MTMR8: variants seen among roughly 807,000 people sequenced by gnomAD.
MTMR8 encodes myotubularin related protein 8.
Under a neutral mutation model 39.3 loss-of-function variants are expected in MTMR8, and 65 were observed. The ratio of observed to expected loss-of-function variants is 1.65; its 90% CI spans 1.35 to 2.03. MTMR8 has a LOEUF of 2.03. Among genes scored for constraint, MTMR8 ranks in the 30% most tolerant of loss-of-function variants. The probability of loss-of-function intolerance (pLI) is 0.00; values close to 1 mark genes in which losing one functional copy is unlikely to be tolerated. For synonymous variants in MTMR8, 245 were observed against 185.2 expected, an observed-to-expected ratio of 1.32 and a Z score of -2.62; for missense variants, 777 against 538.9, an observed-to-expected ratio of 1.44 and a Z score of -4.37.
chrX:64,395,328 T>A lies in MTMR8; in HGVS notation c.24+12A>T, dbSNP rs763819961. 1.7e-6 allele frequency: 2 copies of A among 1,210,235 alleles called. No homozygotes were observed. The highest frequency in any genetic ancestry group is 1.8e-5 in the South Asian group (1 of 56,889). On this transcript the variant is annotated intron_variant, in intron 1 of 13. Coordinates refer to ENST00000374852, the MANE Select transcript of MTMR8 (RefSeq NM_017677.4). ...CTCGCGGCTGTCAGCCTCGCTTAAC[T>A]CTTCTCCTTACCTTGGGTACCGTAA...
Position 64,268,330 on chromosome X carries a change from TC to T in MTMR8, c.*206del. ...ATCCCATTTTAGAACAATAACATATTCTTTCTCTTGCCTACACTCTGTACTG... is the reference window on the plus strand; with the variant it reads ...ATCCCATTTTAGAACAATAACATATTTTTCTCTTGCCTACACTCTGTACTG... On this transcript the variant is annotated 3_prime_UTR_variant, in exon 14 of 14. Coordinates refer to ENST00000374852, the MANE Select transcript of MTMR8 (RefSeq NM_017677.4). 1 of 399,694 alleles carries T rather than the reference TC, an allele frequency of 2.5e-6. No homozygotes were observed. The highest frequency in any genetic ancestry group is 4.0e-5 in the East Asian group (1 of 24,933). 32.9% of individuals were successfully genotyped at this position (399,694 alleles called of 1,213,427 possible).
At chrX:64,336,035 T>G in intron 10 of MTMR8, 44 bp downstream of exon 10, 1 of 1,052,925 alleles carries the variant, frequency 9.5e-7, no homozygotes. Flanking sequence ...TTCACCCTAA[T>G]GAACTATCCT....
At chrX:64,331,503 T>G in intron 11 of MTMR8, 54 bp downstream of exon 11, 6 of 1,107,225 alleles carry the variant, frequency 5.4e-6, no homozygotes, top group Non-Finnish European at 7.4e-6. Flanking sequence ...GGTACATTCT[T>G]TTTGCACTGA....
chrX:64,373,051 C>T (rs373749205), intron 1 of MTMR8, among the ~76,000 whole-genome samples: 1 of 111,663 alleles, frequency 9.0e-6, no homozygotes, highest in Non-Finnish European at 1.9e-5. Context: ...CTATACTCTA[C>T]ATGTTATCTC....
chrX:64,281,951 G>A (rs1340038441), intron 12 of MTMR8, among the ~76,000 whole-genome samples: 2 of 109,687 alleles, frequency 1.8e-5, no homozygotes, highest in Admixed American at 9.7e-5. Context: ...ATATTTATGC[G>A]GCCAACAAAC....
chrX:64,271,009 T>A lies in MTMR8; in HGVS notation c.1546A>T (p.Ser516Cys), dbSNP rs186270075. The A allele has an allele frequency of 1.7e-6, 2 of 1,207,790 alleles. No individual in the cohort carries two copies. Among genetic ancestry groups the A allele is most frequent in the Non-Finnish European group, 2.2e-6 (2 of 894,233 alleles). ...GLQPKQSMLE[S>C]LLEIKKQRAM... ...CTCTGTTTCTTAATTTCCAGGAGGC[T>A]CTCTAGCATACTCTGCTTGGGCTGC... is the stretch of plus-strand genomic sequence containing the variant. The change falls in exon 13 of 14, where the codon AGC becomes TGC. Residue 516 changes from serine to cysteine, a missense_variant. Transcript: ENST00000374852.
intron 12 of MTMR8, among the ~76,000 whole-genome samples, chrX:64,275,280 C>A (rs753311385): frequency 9.0e-6 from 1 of 110,564 alleles, no homozygotes; most frequent in African/African-American, 3.3e-5. Context: ...GATCTAAAAT[C>A]AAAAACCTAA....
intron 1 of MTMR8, among the ~76,000 whole-genome samples, chrX:64,385,644 G>A (rs1210506769): frequency 1.8e-5 from 2 of 111,423 alleles, no homozygotes; most frequent in African/African-American, 6.5e-5. Flanking sequence ...GGTGAAGGGA[G>A]AGCAGGCATC....
intron 7 of MTMR8, among the ~76,000 whole-genome samples, chrX:64,344,691 C>T (rs1314359261): frequency 9.0e-6 from 1 of 111,571 alleles, no homozygotes; most frequent in African/African-American, 3.3e-5. Context: ...AAGATAATTT[C>T]TTACCTTAAG....
At chrX:64,287,605 T>G in intron 12 of MTMR8, among the ~76,000 whole-genome samples, 1 of 110,837 alleles carries the variant, frequency 9.0e-6, no homozygotes, top group Admixed American at 9.7e-5. Flanking sequence ...ATGGTACTGC[T>G]ACCAAAACAG....
At chrX:64,320,066 C>T (rs1486662811) in intron 12 of MTMR8, among the ~76,000 whole-genome samples, 1 of 111,014 alleles carries the variant, frequency 9.0e-6, no homozygotes, top group Non-Finnish European at 1.9e-5. Flanking sequence ...TGTTTGTATC[C>T]TCTTTTATTT....
chrX:64,339,027 G>C (rs758107135), intron 8 of MTMR8, among the ~76,000 whole-genome samples: 1 of 110,705 alleles, frequency 9.0e-6, no homozygotes, highest in Non-Finnish European at 1.9e-5. Flanking sequence ...GAGGTAGTTC[G>C]GGAACATCTA....
intron 12 of MTMR8, chrX:64,304,995 CGTATGTAT>C (rs1239330030): frequency 9.7e-6 from 1 of 103,187 alleles, no homozygotes; most frequent in Non-Finnish European, 1.7e-5. Context: ...TACATATATA[CGTATGTAT>C]GTATGTATAT....
chrX:64,305,090 CA>C, intron 12 of MTMR8: 1 of 213,077 alleles, frequency 4.7e-6, no homozygotes, highest in Non-Finnish European at 9.5e-6. Flanking sequence ...AAATTGAAAC[CA>C]AATGTTCCAC....
chrX:64,285,066 T>C (rs1301212876), intron 12 of MTMR8, among the ~76,000 whole-genome samples: 2 of 111,548 alleles, frequency 1.8e-5, no homozygotes, highest in African/African-American at 6.5e-5. Flanking sequence ...GTGTGCTGTA[T>C]TCAGGAAACC....
chrX:64,354,344 T>C (rs1248648437), intron 4 of MTMR8, among the ~76,000 whole-genome samples: 1 of 111,097 alleles, frequency 9.0e-6, no homozygotes. Flanking sequence ...TGATAAATAC[T>C]TGTGGTGATG....
chrX:64,381,373 G>A (rs1334001945), intron 1 of MTMR8, among the ~76,000 whole-genome samples: 2 of 110,740 alleles, frequency 1.8e-5, no homozygotes, highest in African/African-American at 6.6e-5. Context: ...TTTTTCATGT[G>A]TCTTTTGGCT....
At chrX:64,282,244 AATTAT>A (rs1481502142) in intron 12 of MTMR8, among the ~76,000 whole-genome samples, 4 of 111,412 alleles carry the variant, frequency 3.6e-5, no homozygotes, top group Non-Finnish European at 7.5e-5. Flanking sequence ...GAATATAAAT[AATTAT>A]ATTATAAAGA....
intron 12 of MTMR8, 22 bp from the exon 13 acceptor site, chrX:64,271,095 G>C (rs747796866): frequency 8.5e-7 from 1 of 1,171,245 alleles, no homozygotes; most frequent in Non-Finnish European, 1.1e-6. Context: ...AAAAATGGGG[G>C]GAAAAGTGGG....
Sources: gnomAD v4.1 joint callset for allele counts (sites outside exome capture counted in the v4.1 genomes callset) on GRCh38, gnomAD v4.1.1 for gene constraint, MANE v1.5 for transcripts, NCBI Gene and HGNC (gene_info 2026-07-23, HGNC 2026-07-21) for gene names.